Variants in LPP observed in about 807,000 individuals in gnomAD.
LPP encodes lipoma-preferred partner.
A neutral mutation model predicts 60.4 loss-of-function variants in LPP; 38 were observed. That is an observed-to-expected ratio of 0.63 (90% confidence interval 0.49 to 0.83). The LOEUF is 0.83. Ranked by LOEUF, LPP falls within the 40% of genes least tolerant of loss-of-function variation. LPP has a pLI of 0.00. For synonymous variants in LPP, 328 were observed against 290.8 expected (o/e 1.13, Z -1.30); for missense variants, 902 against 783.6 (o/e 1.15, Z -1.80).
chr3:188,405,431 T>G (rs959195655), intron 3 of LPP, among the ~76,000 whole-genome samples: 2 of 152,214 alleles, frequency 1.3e-5, no homozygotes, highest in African/African-American at 4.8e-5. Context: ...CTTGCTACTT[T>G]CTGTTATTCG....
At chr3:188,644,668 A>G (rs1481257518) in intron 7 of LPP, among the ~76,000 whole-genome samples, 1 of 152,200 alleles carries the variant, frequency 6.6e-6, no homozygotes, top group African/African-American at 2.4e-5. Flanking sequence ...ATTGCAAAAG[A>G]GTGGGTTTTT....
At chr3:188,707,323 C>G (rs1185199057) in intron 7 of LPP, among the ~76,000 whole-genome samples, 1 of 152,074 alleles carries the variant, frequency 6.6e-6, no homozygotes, top group East Asian at 1.9e-4. Context: ...GCCCCAGTGG[C>G]CCTGCATGTC....
chr3:188,560,502 C>A (rs753278497), intron 6 of LPP, among the ~76,000 whole-genome samples: 3 of 152,092 alleles, frequency 2.0e-5, no homozygotes, highest in Non-Finnish European at 4.4e-5. Flanking sequence ...GTAGTCCTGG[C>A]TTCCAGTTCC....
Position 188,820,775 on chromosome 3 carries a change from C to G in LPP, c.1411-45425C>G, listed in dbSNP as rs546546661. On this transcript the variant is annotated intron_variant, in intron 9 of 11. Transcript: ENST00000617246. Reference sequence around the variant, plus strand: ...TTGTAAATAAATATAACGTTAACTCCGATAAGTCCAGACTACTTCACTGAG... The same window carrying G: ...TTGTAAATAAATATAACGTTAACTCGGATAAGTCCAGACTACTTCACTGAG... Among the ~76,000 whole-genome samples the G allele has an allele frequency of 1.8e-3, 274 of 152,136 alleles. 1 individual carries two copies. The highest frequency in any genetic ancestry group is 6.8e-3 in the Middle Eastern group (2 of 294).
At chr3:188,299,339 C>T (rs1027551193) in intron 2 of LPP, among the ~76,000 whole-genome samples, 1 of 152,184 alleles carries the variant, frequency 6.6e-6, no homozygotes, top group African/African-American at 2.4e-5. Context: ...GACAGGAAAG[C>T]GTCACAGCAA....
chr3:188,449,073 C>T (rs1402638326), intron 4 of LPP, among the ~76,000 whole-genome samples: 2 of 152,184 alleles, frequency 1.3e-5, no homozygotes, highest in East Asian at 1.9e-4. Flanking sequence ...ATCCAAAAGA[C>T]GTTGGAAGCA....
intron 8 of LPP, chr3:188,712,105 G>A (rs772691617): frequency 5.3e-5 from 8 of 152,228 alleles, no homozygotes; most frequent in Non-Finnish European, 1.0e-4. Context: ...GGCTAAGAAC[G>A]TTATTGTCTA....
At chr3:188,656,745 G>T (rs892336760) in intron 7 of LPP, among the ~76,000 whole-genome samples, 1 of 152,158 alleles carries the variant, frequency 6.6e-6, no homozygotes, top group Non-Finnish European at 1.5e-5. Context: ...TGAAATGCAG[G>T]TTCTCTGAAG....
chr3:188,348,535 C>T (rs1764998968), intron 3 of LPP, among the ~76,000 whole-genome samples: 1 of 152,218 alleles, frequency 6.6e-6, no homozygotes, highest in South Asian at 2.1e-4. Context: ...ATCCTTATCA[C>T]AGCCCAATGA....
At chr3:188,213,752 T>C (rs527690080) in intron 1 of LPP, among the ~76,000 whole-genome samples, 10 of 152,180 alleles carry the variant, frequency 6.6e-5, no homozygotes, top group African/African-American at 2.4e-4. Context: ...ATCTTTCTCT[T>C]TCACGAAAGG....
intron 1 of LPP, among the ~76,000 whole-genome samples, chr3:188,220,065 C>T (rs747169733): frequency 1.2e-4 from 18 of 152,108 alleles, no homozygotes; most frequent in African/African-American, 1.9e-4. Flanking sequence ...ATTTGAATCC[C>T]GGCTGTGATA....
intron 8 of LPP, 113 bp from the exon 9 acceptor site, chr3:188,760,000 G>A: frequency 2.5e-6 from 2 of 814,534 alleles, no homozygotes; most frequent in Non-Finnish European, 4.0e-6. Context: ...AATGACGGCA[G>A]GAGTGGTGGT....
At chr3:188,690,694 T>C (rs550358767) in intron 7 of LPP, among the ~76,000 whole-genome samples, 2 of 152,292 alleles carry the variant, frequency 1.3e-5, no homozygotes, top group Non-Finnish European at 2.9e-5. Flanking sequence ...GTGTTCTCTC[T>C]TTCCACATTC....
intron 2 of LPP, among the ~76,000 whole-genome samples, chr3:188,268,328 C>T (rs543647510): frequency 8.5e-5 from 13 of 152,122 alleles, no homozygotes; most frequent in South Asian, 2.1e-4. Flanking sequence ...AAAAACAACC[C>T]CCAAAAACCT....
chr3:188,797,660 T>C (rs1359526875), intron 9 of LPP, among the ~76,000 whole-genome samples: 1 of 152,226 alleles, frequency 6.6e-6, no homozygotes, highest in Non-Finnish European at 1.5e-5. Context: ...GTCTAAATCT[T>C]ACATGGCCAA....
At chr3:188,702,706 A>T (rs983405807) in intron 7 of LPP, among the ~76,000 whole-genome samples, 4 of 152,218 alleles carry the variant, frequency 2.6e-5, no homozygotes, top group African/African-American at 9.6e-5. Flanking sequence ...AGAAACAAAC[A>T]TATTAGTGAT....
rs1392100141 is a variant in LPP at position 188,887,607 on chromosome 3, A to T, written c.*13128A>T. 1 of 215,100 alleles carries T rather than the reference A, an allele frequency of 4.6e-6. No homozygotes were observed. The highest frequency in any genetic ancestry group is 5.8e-5 in the Admixed American group (1 of 17,174). The allele number at this position is 215,100 out of a possible 1,614,324, so 13.3% of individuals were successfully genotyped here. On this transcript the variant is annotated 3_prime_UTR_variant, in exon 12 of 12. Coordinates refer to ENST00000617246, the MANE Select transcript of LPP (RefSeq NM_001375462.1). ...TTAGAATTGTGTCAAATACATCAAC[A>T]TATCAGGATTATAGTGCCAAAAATA...
chr3:188,803,125 A>G (rs538234651), intron 9 of LPP, among the ~76,000 whole-genome samples: 1 of 147,704 alleles, frequency 6.8e-6, no homozygotes. Context: ...GCTCATTCCA[A>G]CCTCCGCCTC....
chr3:188,717,935 A>G (rs1714735105), intron 8 of LPP, among the ~76,000 whole-genome samples: 1 of 152,190 alleles, frequency 6.6e-6, no homozygotes, highest in Admixed American at 6.5e-5. Context: ...CTCCTGCCTC[A>G]GCCTCCCAGG....
Sources: gnomAD v4.1 joint callset for allele counts (sites outside exome capture counted in the v4.1 genomes callset) on GRCh38, gnomAD v4.1.1 for gene constraint, MANE v1.5 for transcripts, NCBI Gene and HGNC (gene_info 2026-07-23, HGNC 2026-07-21) for gene names.